The following MEMO1 variants were observed in gnomAD, a reference collection of about 807,000 sequenced individuals.
MEMO1 encodes the protein mediator of cell motility 1, also known as protein MEMO1.
In MEMO1, 6 loss-of-function variants were observed where a neutral mutation model predicts 45.2. The ratio of observed to expected loss-of-function variants is 0.13; its 90% CI spans 0.07 to 0.26. The LOEUF (loss-of-function observed/expected upper bound fraction) is 0.26. Among genes scored for constraint, MEMO1 ranks in the 10% least tolerant of loss-of-function variants. The pLI, the probability that MEMO1 is intolerant of heterozygous loss-of-function variation, is 1.00. For synonymous variants in MEMO1, 78 were observed against 124.3 expected (o/e 0.63, Z 2.48); for missense variants, 184 against 370.5 (o/e 0.50, Z 4.13).
intron 4 of MEMO1, among the ~76,000 whole-genome samples, chr2:31,931,191 A>C (rs1664125667): frequency 6.6e-6 from 1 of 152,352 alleles, no homozygotes. Context: ...AGAACGCTAC[A>C]TAAAAATTTG....
intron 2 of MEMO1, among the ~76,000 whole-genome samples, chr2:32,005,825 T>C (rs551277304): frequency 4.2e-4 from 64 of 152,284 alleles, no homozygotes; most frequent in African/African-American, 1.5e-3. Flanking sequence ...TGCTGAGTAC[T>C]TAGGGTACAA....
intron 8 of MEMO1, among the ~76,000 whole-genome samples, chr2:31,877,841 C>G (rs1003009242): frequency 6.6e-6 from 1 of 151,930 alleles, no homozygotes; most frequent in Non-Finnish European, 1.5e-5. Flanking sequence ...TTACATGTTA[C>G]AGTTAGGAAA....
At chr2:31,875,279 G>A (rs1301868760) in intron 8 of MEMO1, among the ~76,000 whole-genome samples, 1 of 152,014 alleles carries the variant, frequency 6.6e-6, no homozygotes, top group Non-Finnish European at 1.5e-5. Context: ...CTAAAGTAAG[G>A]TAAATCAGAT....
At chr2:31,973,416 T>G (rs1470433881) in intron 2 of MEMO1, among the ~76,000 whole-genome samples, 1 of 150,930 alleles carries the variant, frequency 6.6e-6, no homozygotes, top group Non-Finnish European at 1.5e-5. Flanking sequence ...ATCATGCCAC[T>G]GCACTCCAGA....
chr2:31,940,288 C>G (rs71446031), intron 3 of MEMO1, among the ~76,000 whole-genome samples: 7,418 of 152,232 alleles, frequency 0.049, 225 homozygotes, highest in Middle Eastern at 0.12. Flanking sequence ...ATTTCTATCT[C>G]AAGTCTGGTG....
chr2:31,995,179 C>T (rs1031076840), intron 2 of MEMO1, among the ~76,000 whole-genome samples: 9 of 151,912 alleles, frequency 5.9e-5, no homozygotes, highest in African/African-American at 1.9e-4. Context: ...TGGCCAGGGA[C>T]GGTGGCTCAC....
At chr2:31,933,343 AAAAAAATTTATATAT>A (rs1558514186) in intron 3 of MEMO1, among the ~76,000 whole-genome samples, 8 of 45,226 alleles carry the variant, frequency 1.8e-4, no homozygotes, top group African/African-American at 6.7e-4. Context: ...AAAAAAAAAA[AAAAAAATTTATATAT>A]ATATATATAT....
At chr2:31,991,017 TATGTTATAATATGAAAAG>T (rs1370203175) in intron 2 of MEMO1, among the ~76,000 whole-genome samples, 10 of 152,272 alleles carry the variant, frequency 6.6e-5, no homozygotes, top group African/African-American at 2.4e-4. Flanking sequence ...AAATAATGAC[TATGTTATAATATGAAAAG>T]ATCTTCAACT....
At chr2:31,887,488 C>T (rs192437575) in intron 7 of MEMO1, among the ~76,000 whole-genome samples, 1 of 152,178 alleles carries the variant, frequency 6.6e-6, no homozygotes, top group East Asian at 1.9e-4. Context: ...TAAGTTAAAC[C>T]TCACAACAAC....
chr2:31,918,661 A>G (rs945708021), intron 5 of MEMO1, among the ~76,000 whole-genome samples: 1 of 152,248 alleles, frequency 6.6e-6, no homozygotes, highest in African/African-American at 2.4e-5. Context: ...TCCCAACTTT[A>G]AAACACCTAG....
At chr2:31,993,127 T>G (rs1272865836) in intron 2 of MEMO1, among the ~76,000 whole-genome samples, 1 of 151,912 alleles carries the variant, frequency 6.6e-6, no homozygotes, top group Non-Finnish European at 1.5e-5. Flanking sequence ...GAGCTATGAC[T>G]GTGCCACCGC....
rs143285032 is a variant in MEMO1, at chr2:31,984,801, G to A, written c.61+25386C>T. Among the ~76,000 whole-genome samples the A allele has an allele frequency of 1.6e-4, 24 of 152,024 alleles. No individual in the cohort carries two copies. The East Asian group carries it at 4.4e-3, about 28-fold the overall frequency. The stretch of plus-strand genomic sequence containing the variant: ...AGCCTGGGCGACAGAGCGAGACTCC[G>A]TCTCAAACCAAAAAAAAAGCAAAAA... On this transcript the variant is annotated intron_variant, in intron 2 of 9. Transcript: ENST00000404530.
chr2:31,969,592 T>TGTGG (rs1669108440), intron 2 of MEMO1, among the ~76,000 whole-genome samples: 6 of 69,572 alleles, frequency 8.6e-5, no homozygotes, highest in African/African-American at 1.3e-4. Context: ...TGTGGGTGTG[T>TGTGG]GTGTGTGTGT....
chr2:31,869,222 T>TAA (rs1220637750), intron 9 of MEMO1, among the ~76,000 whole-genome samples: 10 of 152,162 alleles, frequency 6.6e-5, no homozygotes, highest in African/African-American at 2.2e-4. Flanking sequence ...ATAAGCCCAT[T>TAA]GTTACTTTCT....
intron 2 of MEMO1, among the ~76,000 whole-genome samples, chr2:31,963,614 A>G (rs939744740): frequency 3.3e-5 from 5 of 152,208 alleles, no homozygotes; most frequent in Admixed American, 1.3e-4. Context: ...ATTCCTTTAG[A>G]TAAGTATTAT....
chr2:31,946,606 A>G (rs745941195), intron 2 of MEMO1, among the ~76,000 whole-genome samples: 1 of 152,174 alleles, frequency 6.6e-6, no homozygotes, highest in South Asian at 2.1e-4. Flanking sequence ...TCATGCCTGT[A>G]ATCCCAGCAC....
chr2:31,893,256 A>C, intron 6 of MEMO1: 1 of 1,024,328 alleles, frequency 9.8e-7, no homozygotes, highest in Non-Finnish European at 1.3e-6. Flanking sequence ...TCAATTGCGA[A>C]ATAAACAGAT....
chr2:31,974,985 A>G (rs1415680864), intron 2 of MEMO1, among the ~76,000 whole-genome samples: 1 of 152,022 alleles, frequency 6.6e-6, no homozygotes, highest in African/African-American at 2.4e-5. Context: ...AGCTTGGCCA[A>G]CATGATGAAA....
chr2:31,965,760 A>G (rs1204192688), intron 2 of MEMO1, among the ~76,000 whole-genome samples: 1 of 152,128 alleles, frequency 6.6e-6, no homozygotes, highest in Non-Finnish European at 1.5e-5. Flanking sequence ...TATAAGTAGG[A>G]GCTGAACAAT....
Sources: allele counts gnomAD v4.1 joint callset (sites outside exome capture counted in the v4.1 genomes callset), GRCh38; gene constraint gnomAD v4.1.1; transcripts MANE v1.5; gene names NCBI Gene and HGNC (gene_info 2026-07-23, HGNC 2026-07-21).